Variants in L3MBTL3 observed in about 807,000 individuals in gnomAD.
L3MBTL3 encodes lethal(3)malignant brain tumor-like protein 3.
A neutral mutation model predicts 102.3 loss-of-function variants in L3MBTL3; 27 were observed. The ratio of observed to expected loss-of-function variants is 0.26; its 90% CI spans 0.19 to 0.36. The LOEUF is 0.36. L3MBTL3 is among the 10% of genes least tolerant of loss of function. L3MBTL3 has a pLI of 1.00. For missense variants in L3MBTL3, 798 were observed against 955.3 expected (o/e 0.84, Z 2.17); for synonymous variants, 340 against 320.9 (o/e 1.06, Z -0.64).
At chr6:130,021,467 CAG>C (rs891090549) in intron 1 of L3MBTL3, among the ~76,000 whole-genome samples, 10 of 152,322 alleles carry the variant, frequency 6.6e-5, no homozygotes, top group Admixed American at 6.5e-4. Flanking sequence ...TGCTTTTATT[CAG>C]AGATTTGAGA....
intron 2 of L3MBTL3, among the ~76,000 whole-genome samples, chr6:130,027,221 A>G (rs1215640350): frequency 6.6e-6 from 1 of 152,194 alleles, no homozygotes; most frequent in Non-Finnish European, 1.5e-5. Flanking sequence ...GGCATTGATT[A>G]CAAGGTAATG....
rs1333614230 is a variant in L3MBTL3, at chr6:130,060,032, T to A, written c.760-4T>A. The A allele has an allele frequency of 6.3e-7, 1 of 1,592,246 alleles. No individual in the cohort carries two copies. Among genetic ancestry groups the A allele is most frequent in the East Asian group, 2.2e-5 (1 of 44,748 alleles). On this transcript the variant is annotated splice_polypyrimidine_tract_variant and splice_region_variant and intron_variant, in intron 9 of 22. Transcript: ENST00000361794. ...ACTAAAACTGCTCTCATTTTGCATT[T>A]TAGCATCAATCCTTTCCATATAACA...
chr6:130,086,082 A>C, intron 15 of L3MBTL3, 58 bp from the exon 16 acceptor site: 1 of 1,150,586 alleles, frequency 8.7e-7, no homozygotes, highest in South Asian at 1.3e-5. Context: ...TCTTTGTAAC[A>C]TCAAGTTTAC....
Position 130,060,542 on chromosome 6 carries a change from G to T in L3MBTL3, c.864+402G>T, listed in dbSNP as rs145414636. Among the ~76,000 whole-genome samples, 1,471 of 151,690 alleles carry T rather than the reference G, an allele frequency of 9.7e-3. 9 individuals carry two copies. Among genetic ancestry groups the T allele is most frequent in the Non-Finnish European group, 0.015 (1,008 of 67,950 alleles). On this transcript the variant is annotated intron_variant, in intron 10 of 22. Transcript: ENST00000361794. ...AAAAAAATGACCAAGCCAAATATATGAATATATATCTCAGTCTAATATATT... is the reference window on the plus strand; with the variant it reads ...AAAAAAATGACCAAGCCAAATATATTAATATATATCTCAGTCTAATATATT...
intron 5 of L3MBTL3, among the ~76,000 whole-genome samples, chr6:130,050,084 G>A (rs1013708211): frequency 6.6e-6 from 1 of 152,124 alleles, no homozygotes; most frequent in African/African-American, 2.4e-5. Context: ...CTTTGCCATG[G>A]CCTTAATGTA....
intron 11 of L3MBTL3, among the ~76,000 whole-genome samples, chr6:130,067,366 G>A (rs979490119): frequency 4.6e-5 from 7 of 152,080 alleles, no homozygotes; most frequent in African/African-American, 1.4e-4. Flanking sequence ...TGCCCACCTT[G>A]GCCTCCCAAA....
chr6:130,087,239 T>C (rs1783743910), intron 16 of L3MBTL3, among the ~76,000 whole-genome samples: 1 of 152,098 alleles, frequency 6.6e-6, no homozygotes, highest in Non-Finnish European at 1.5e-5. Context: ...AATTTTAACA[T>C]TTAGTTCACT....
chr6:130,052,891 A>T lies in L3MBTL3; in HGVS notation c.482A>T (p.Asp161Val). The T allele has an allele frequency of 6.2e-7, 1 of 1,614,032 alleles. No individual in the cohort carries two copies. Among genetic ancestry groups the T allele is most frequent in the South Asian group, 1.1e-5 (1 of 91,060 alleles). The change falls in exon 7 of 23, where the codon GAC (aspartate) becomes GTC (valine). Residue 161 changes from aspartate to valine, a missense_variant. By Grantham distance (152) the Asp-to-Val change is radical (BLOSUM62 -3). Around this residue, in one of 4 missense-constraint regions of L3MBTL3, gnomAD observed 434 missense variants for 506.6 expected, o/e 0.86. Coordinates refer to ENST00000361794, the MANE Select transcript of L3MBTL3 (RefSeq NM_032438.4). ...DQKEERDVEEDNEEEDPKCSR... is the reference protein window; with the variant it reads ...DQKEERDVEEVNEEEDPKCSR... ...AAGGAAGAAAGGGACGTAGAAGAAG[A>T]CAATGAGGAAGAAGATCCTAAGTGT...
chr6:130,079,482 C>G (rs1562292755), intron 14 of L3MBTL3, among the ~76,000 whole-genome samples: 1 of 152,106 alleles, frequency 6.6e-6, no homozygotes, highest in Non-Finnish European at 1.5e-5. Flanking sequence ...TCTTCATAAT[C>G]AAGACAGTGT....
At chr6:130,042,836 G>A (rs1466230809) in intron 3 of L3MBTL3, 35 bp downstream of exon 3, 8 of 1,310,716 alleles carry the variant, frequency 6.1e-6, no homozygotes, top group Non-Finnish European at 8.9e-6. Flanking sequence ...TTATGTGTGT[G>A]TGCATCTGTG....
At chr6:130,046,851 C>T (rs34051306) in intron 3 of L3MBTL3, among the ~76,000 whole-genome samples, 9,822 of 152,168 alleles carry the variant, frequency 0.065, 473 homozygotes, top group Non-Finnish European at 0.1. Flanking sequence ...TATTGGAAAA[C>T]ATAGTGTTAG....
chr6:130,065,425 A>G (rs1483071808), intron 10 of L3MBTL3, among the ~76,000 whole-genome samples: 1 of 152,200 alleles, frequency 6.6e-6, no homozygotes, highest in Non-Finnish European at 1.5e-5. Context: ...ATTTTCTCAT[A>G]AACTTAACTC....
At position 130,096,669 on chromosome 6, in the gene L3MBTL3, T is replaced by C. The variant is rs190086520; in HGVS notation, c.1736+2302T>C. Among the ~76,000 whole-genome samples the C allele has an allele frequency of 1.6e-4, 24 of 152,268 alleles. No individual in the cohort carries two copies. In the East Asian group the frequency reaches 4.6e-3, roughly 29 times the overall value. Reference sequence around the variant, plus strand: ...CATCAGGACTGCCTTTCCCCAAGTGTGCAGGTGGACCTCCGAGGGTTCCTC... The same window carrying C: ...CATCAGGACTGCCTTTCCCCAAGTGCGCAGGTGGACCTCCGAGGGTTCCTC... On this transcript the variant is annotated intron_variant, in intron 18 of 22. Transcript: ENST00000361794.
chr6:130,044,779 T>C (rs971260678), intron 3 of L3MBTL3, among the ~76,000 whole-genome samples: 7 of 152,356 alleles, frequency 4.6e-5, no homozygotes, highest in African/African-American at 1.4e-4. Context: ...TGAAGATTTC[T>C]AATTCACTTG....
At chr6:130,059,529 T>C (rs983413475) in intron 9 of L3MBTL3, among the ~76,000 whole-genome samples, 2 of 152,242 alleles carry the variant, frequency 1.3e-5, no homozygotes, top group African/African-American at 2.4e-5. Flanking sequence ...TGAATAATCT[T>C]CTATACCAGT....
At chr6:130,058,144 C>T (rs1271607094) in intron 9 of L3MBTL3, among the ~76,000 whole-genome samples, 10 of 68,454 alleles carry the variant, frequency 1.5e-4, no homozygotes, top group East Asian at 7.6e-4. Context: ...AGCAAGACTC[C>T]GTCTCAAAAA....
chr6:130,040,852 A>G (rs950944923), intron 2 of L3MBTL3, among the ~76,000 whole-genome samples: 2 of 152,230 alleles, frequency 1.3e-5, no homozygotes, highest in African/African-American at 4.8e-5. Flanking sequence ...TCAGATATCA[A>G]GACTTAATAA....
At chr6:130,129,871 C>T (rs1301082331) in intron 20 of L3MBTL3, among the ~76,000 whole-genome samples, 2 of 152,142 alleles carry the variant, frequency 1.3e-5, no homozygotes. Flanking sequence ...TTTATTTTAG[C>T]CTATGTCATA....
At chr6:130,046,556 C>T (rs879434002) in intron 3 of L3MBTL3, among the ~76,000 whole-genome samples, 2 of 152,122 alleles carry the variant, frequency 1.3e-5, no homozygotes, top group African/African-American at 4.8e-5. Flanking sequence ...CATGTGCAGT[C>T]CCTTATATAT....
Sources: allele counts gnomAD v4.1 joint callset (sites outside exome capture counted in the v4.1 genomes callset), GRCh38; gene constraint gnomAD v4.1.1; regional missense constraint gnomAD v4.1.1; transcripts MANE v1.5; gene names NCBI Gene and HGNC (gene_info 2026-07-23, HGNC 2026-07-21).